Variants in DNAAF9 observed in about 807,000 individuals in gnomAD.
DNAAF9 encodes dynein axonemal assembly factor 9, also known as shulin.
DNAAF9 carries 90 observed loss-of-function variants against 167.0 expected under a neutral mutation model. That is an observed-to-expected ratio of 0.54 (90% confidence interval 0.45 to 0.64). The LOEUF (loss-of-function observed/expected upper bound fraction) is 0.64. Ranked by LOEUF, DNAAF9 falls within the 30% of genes least tolerant of loss-of-function variation. DNAAF9 has a pLI of 0.00. For missense variants in DNAAF9, 1,315 were observed against 1,442.2 expected (o/e 0.91, Z 1.43); for synonymous variants, 491 against 508.8 (o/e 0.96, Z 0.47).
chr20:3,254,072 C>T (rs903148104), intron 35 of DNAAF9, among the ~76,000 whole-genome samples: 2 of 152,016 alleles, frequency 1.3e-5, no homozygotes, highest in Non-Finnish European at 2.9e-5. Context: ...CAAACACACT[C>T]TTTTATTTAT....
At chr20:3,301,351 C>T (rs1368454730) in intron 21 of DNAAF9, among the ~76,000 whole-genome samples, 1 of 152,146 alleles carries the variant, frequency 6.6e-6, no homozygotes, top group Non-Finnish European at 1.5e-5. Flanking sequence ...CCATGCCCAG[C>T]TAATTTCTGT....
At chr20:3,305,191 T>C (rs899418899) in intron 20 of DNAAF9, among the ~76,000 whole-genome samples, 35 of 152,226 alleles carry the variant, frequency 2.3e-4, no homozygotes, top group African/African-American at 7.2e-5. Flanking sequence ...CAAGGTCATA[T>C]GGAGCAGCTC....
At chr20:3,330,989 GCC>G (rs998620011) in intron 11 of DNAAF9, among the ~76,000 whole-genome samples, 9 of 151,382 alleles carry the variant, frequency 5.9e-5, no homozygotes, top group Non-Finnish European at 1.3e-4. Context: ...ATGGGGTTTT[GCC>G]ATGTTGGCCA....
chr20:3,299,950 T>C (rs1223992258), intron 21 of DNAAF9, among the ~76,000 whole-genome samples: 1 of 152,222 alleles, frequency 6.6e-6, no homozygotes, highest in East Asian at 1.9e-4. Flanking sequence ...TCACCCAGGC[T>C]GGAATGCAGT....
At chr20:3,328,544 C>T (rs1412129093) in intron 12 of DNAAF9, among the ~76,000 whole-genome samples, 1 of 152,170 alleles carries the variant, frequency 6.6e-6, no homozygotes, top group African/African-American at 2.4e-5. Context: ...TTTGGCAAAT[C>T]TCCCAATGTG....
chr20:3,315,724 A>C lies in DNAAF9; in HGVS notation c.1590+11T>G. On this transcript the variant is annotated intron_variant, in intron 19 of 36. Coordinates refer to ENST00000252032, the MANE Select transcript of DNAAF9 (RefSeq NM_001009984.3). This position sits in a 1 kb window ranked among gnomAD's most constrained non-coding sequence, Gnocchi z 4.1. ...TATAATGTTCACACTGAGAATAAGA[A>C]GGCTGCTTACCCTCACTGCTTGCTG... 6.2e-7 allele frequency: 1 copy of C among 1,604,716 alleles called. No homozygotes were observed.
At chr20:3,358,888 G>A (rs1161083828) in intron 7 of DNAAF9, among the ~76,000 whole-genome samples, 1 of 152,120 alleles carries the variant, frequency 6.6e-6, no homozygotes. Flanking sequence ...CCAGAGTACA[G>A]AGTCCTAAAG....
chr20:3,270,552 A>G lies in DNAAF9; in HGVS notation c.2661T>C (p.Ser887=), dbSNP rs2068575576. The change falls in exon 30 of 37, where the codon AGT becomes AGC. Residue 887 remains serine, a synonymous_variant. Transcript: ENST00000252032. ...CLDQCSQGLV[S]NVVFTSHTTE... ...TGGTGTGACTGGTGAATACCACGTT[A>G]CTCACCAGGCCTGGGAATAAAACCA... 1 of 1,612,276 alleles carries G rather than the reference A, an allele frequency of 6.2e-7. No individual in the cohort carries two copies. Among genetic ancestry groups the G allele is most frequent in the Admixed American group, 1.7e-5 (1 of 59,968 alleles).
chr20:3,367,397 T>C (rs1019493033), intron 6 of DNAAF9, among the ~76,000 whole-genome samples: 2 of 152,236 alleles, frequency 1.3e-5, no homozygotes, highest in African/African-American at 4.8e-5. Context: ...TTCAAGAACT[T>C]TTCCTTTGCA....
At chr20:3,382,284 A>T (rs1004312097) in intron 2 of DNAAF9, 143 bp downstream of exon 2, 1 of 664,620 alleles carries the variant, frequency 1.5e-6, no homozygotes, top group Non-Finnish European at 2.7e-6. Context: ...TCATTAAAAC[A>T]GCAACAAATT....
intron 30 of DNAAF9, 22 bp from the exon 31 acceptor site, chr20:3,264,546 A>C (rs754465281): frequency 9.3e-6 from 11 of 1,182,592 alleles, no homozygotes; most frequent in Non-Finnish European, 1.3e-5. Context: ...CACAGAAAAG[A>C]CCTAGATTAA....
At chr20:3,357,343 C>T (rs372688733) in intron 7 of DNAAF9, among the ~76,000 whole-genome samples, 19 of 152,010 alleles carry the variant, frequency 1.2e-4, no homozygotes, top group African/African-American at 3.4e-4. Flanking sequence ...TGGTGGCACG[C>T]GCCTGTAATC....
At chr20:3,306,890 CAG>C in intron 20 of DNAAF9, 7 of 985,040 alleles carry the variant, frequency 7.1e-6, no homozygotes, top group Non-Finnish European at 8.4e-6. Context: ...TTACTGTTTC[CAG>C]AGATAAGAGG....
chr20:3,406,014 G>A (rs2084049706), intron 1 of DNAAF9, among the ~76,000 whole-genome samples: 1 of 152,212 alleles, frequency 6.6e-6, no homozygotes, highest in Non-Finnish European at 1.5e-5. Context: ...TTACACTGAA[G>A]GGCAGAGCAG....
At chr20:3,395,337 G>A (rs1220110974) in intron 1 of DNAAF9, among the ~76,000 whole-genome samples, 1 of 151,508 alleles carries the variant, frequency 6.6e-6, no homozygotes, top group Non-Finnish European at 1.5e-5. Context: ...CTGGAATGCA[G>A]TGGTGCAATC....
chr20:3,347,272 C>T (rs2070210686), intron 8 of DNAAF9, among the ~76,000 whole-genome samples: 1 of 152,116 alleles, frequency 6.6e-6, no homozygotes, highest in African/African-American at 2.4e-5. Context: ...TAAAAATTGT[C>T]AATCTAGAAT....
intron 6 of DNAAF9, chr20:3,362,470 AT>A: frequency 5.2e-6 from 2 of 382,622 alleles, no homozygotes; most frequent in Non-Finnish European, 4.6e-6. Flanking sequence ...TAACAGCTTC[AT>A]TTTTTTCACC....
chr20:3,333,664 C>T (rs2069881421), intron 10 of DNAAF9, among the ~76,000 whole-genome samples: 1 of 149,908 alleles, frequency 6.7e-6, no homozygotes, highest in Non-Finnish European at 1.5e-5. Flanking sequence ...TTCCTTGGAT[C>T]TCCAATTTTC....
Position 3,315,666 on chromosome 20 carries a change from A to G in DNAAF9, c.1590+69T>C. On this transcript the variant is annotated intron_variant, in intron 19 of 36. Coordinates refer to ENST00000252032, the MANE Select transcript of DNAAF9 (RefSeq NM_001009984.3). This position sits in a 1 kb window ranked among gnomAD's most constrained non-coding sequence, Gnocchi z 4.1. ...ATTAGTAGTGAGATGAAGCATTTTAATACCTTTATGAATTGCTTACATTAT... is the reference window on the plus strand; with the variant it reads ...ATTAGTAGTGAGATGAAGCATTTTAGTACCTTTATGAATTGCTTACATTAT... 8.2e-7 allele frequency: 1 copy of G among 1,217,176 alleles called. No homozygotes were observed. Among genetic ancestry groups the G allele is most frequent in the Non-Finnish European group, 1.2e-6 (1 of 818,058 alleles). 75.4% of individuals were successfully genotyped at this position (1,217,176 alleles called of 1,614,324 possible). A position where few individuals can be genotyped will look rare whatever the true frequency, so the allele number is the denominator to read the frequency against.
Sources: allele counts gnomAD v4.1 joint callset (sites outside exome capture counted in the v4.1 genomes callset), GRCh38; gene constraint gnomAD v4.1.1; non-coding constraint Gnocchi (gnomAD v3.1); transcripts MANE v1.5; gene names NCBI Gene and HGNC (gene_info 2026-07-23, HGNC 2026-07-21).